The following TBP variants were observed in gnomAD, a reference collection of about 807,000 sequenced individuals.
The protein encoded by TBP is TATA-box-binding protein.
Under a neutral mutation model 46.2 loss-of-function variants are expected in TBP, and 12 were observed. That is an observed-to-expected ratio of 0.26 (90% CI 0.17 to 0.42). The LOEUF (loss-of-function observed/expected upper bound fraction) is 0.42. Ranked by LOEUF, TBP falls within the 10% of genes least tolerant of loss-of-function variation. The pLI, the probability that TBP is intolerant of heterozygous loss-of-function variation, is 1.00. For missense variants in TBP, 229 were observed against 403.1 expected (o/e 0.57, Z 3.70); for synonymous variants, 157 against 148.3 (o/e 1.06, Z -0.42).
chr6:170,571,819 A>T (rs1423984142), intron 7 of TBP, among the ~76,000 whole-genome samples: 1 of 152,002 alleles, frequency 6.6e-6, no homozygotes, highest in African/African-American at 2.4e-5. Flanking sequence ...TGAGACAAGA[A>T]AGGAAGATTC....
In TBP at chr6:170,572,317, ACAAAT is replaced by A; in HGVS notation, c.*55_*59del. 7.1e-7 allele frequency: 1 copy of A among 1,402,314 alleles called. No homozygotes were observed. The highest frequency in any genetic ancestry group is 1.0e-6 in the Non-Finnish European group (1 of 1,003,938). The allele number at this position is 1,402,314 out of a possible 1,614,324, so 86.9% of individuals were successfully genotyped here. ...CACCCCCTTCTTTTTTTTTTTTTAAACAAATCAGTTTGTTTTGGTACCTTTAAATG... is the reference window on the plus strand; with the variant it reads ...CACCCCCTTCTTTTTTTTTTTTTAAACAGTTTGTTTTGGTACCTTTAAATG... On this transcript the variant is annotated 3_prime_UTR_variant, in exon 8 of 8. Transcript: ENST00000392092.
At chr6:170,564,372 A>G (rs1025316940) in intron 3 of TBP, among the ~76,000 whole-genome samples, 173 bp from the exon 4 acceptor site, 2 of 152,228 alleles carry the variant, frequency 1.3e-5, no homozygotes, top group African/African-American at 4.8e-5. Flanking sequence ...AAATGGAATA[A>G]TCTATATAAA....
intron 5 of TBP, chr6:170,567,320 A>C (rs1352207502): frequency 6.5e-6 from 1 of 153,846 alleles, no homozygotes; most frequent in Non-Finnish European, 1.4e-5. Context: ...CTCCATCTCT[A>C]CTAAAAATAC....
In TBP at chr6:170,562,176, C is replaced by G. The variant is rs1028882699; in HGVS notation, c.440C>G (p.Thr147Ser). ...PLYPSPMTPM[T>S]PITPATPASE... ...TATCCCTCCCCCATGACTCCCATGA[C>G]CCCCATCACTCCTGCCACGCCAGCT... The change falls in exon 3 of 8, where the codon ACC becomes AGC. Residue 147 changes from threonine (T) to serine (S), a missense_variant. Transcript: ENST00000392092. 2 of 1,614,070 alleles carry G rather than the reference C, an allele frequency of 1.2e-6. No homozygotes were observed. The highest frequency in any genetic ancestry group is 2.7e-5 in the African/African-American group (2 of 74,924).
chr6:170,561,643 G>T, intron 2 of TBP, 148 bp from the exon 3 acceptor site: 2 of 1,433,032 alleles, frequency 1.4e-6, no homozygotes, highest in Non-Finnish European at 1.9e-6. Context: ...TATAAGAATA[G>T]CTGGTTCTTC....
In TBP at chr6:170,568,815, C is replaced by CTTTTTTTTTTTTTTTTTTTTTTTTTTTT. The variant is rs377394208; in HGVS notation, c.678-770_678-769insTTTTTTTTTTTTTTTTTTTTTTTTTTTT. ...TTCTCTTCTTTCTTTCTTTCCTTTT[C>CTTTTTTTTTTTTTTTTTTTTTTTTTTTT]TTTTTTTTTTTTTTTTTTTTTTTTT... On this transcript the variant is annotated intron_variant, in intron 5 of 7. Coordinates refer to ENST00000392092, the MANE Select transcript of TBP (RefSeq NM_003194.5). 1.5e-3 allele frequency among the ~76,000 whole-genome samples: 93 copies of CTTTTTTTTTTTTTTTTTTTTTTTTTTTT among 62,604 alleles called. 27 individuals are homozygous for CTTTTTTTTTTTTTTTTTTTTTTTTTTTT. Among genetic ancestry groups the CTTTTTTTTTTTTTTTTTTTTTTTTTTTT allele is most frequent in the African/African-American group, 2.1e-3 (31 of 14,824 alleles). The allele number at this position is 62,604 out of a possible 152,430, so 41.1% of individuals were successfully genotyped here.
intron 1 of TBP, among the ~76,000 whole-genome samples, chr6:170,555,136 T>G (rs1320935322): frequency 1.3e-5 from 2 of 152,256 alleles, no homozygotes; most frequent in African/African-American, 4.8e-5. Context: ...AACTCTTTTC[T>G]GAGGATAAAT....
chr6:170,555,795 G>C (rs1779012566), intron 1 of TBP, among the ~76,000 whole-genome samples: 1 of 152,090 alleles, frequency 6.6e-6, no homozygotes, highest in South Asian at 2.1e-4. Flanking sequence ...ACTTAGCTTA[G>C]ACCATACCTG....
intron 3 of TBP, 141 bp downstream of exon 3, chr6:170,562,374 C>G: frequency 2.1e-6 from 2 of 971,712 alleles, no homozygotes; most frequent in Non-Finnish European, 3.0e-6. Flanking sequence ...CTTTATCTCA[C>G]ATTTGGGAAA....
In TBP at chr6:170,568,834, T is replaced by C. The variant is rs1014620372; in HGVS notation, c.678-778T>C. 2.5e-5 allele frequency among the ~76,000 whole-genome samples: 3 copies of C among 122,422 alleles called. 1 individual carries two copies. The highest frequency in any genetic ancestry group is 6.4e-5 in the African/African-American group (2 of 31,032). 80.3% of individuals were successfully genotyped at this position (122,422 alleles called of 152,430 possible). A position where few individuals can be genotyped will look rare whatever the true frequency, so the allele number is the denominator to read the frequency against. ...CCTTTTCTTTTTTTTTTTTTTTTTT[T>C]TTTTTTTTGGTGGAGTCACCTAGGC... On this transcript the variant is annotated intron_variant, in intron 5 of 7. Transcript: ENST00000392092.
Position 170,559,131 on chromosome 6 carries a change from T to G in TBP, c.54+2048T>G, listed in dbSNP as rs116225559. 9.6e-3 allele frequency among the ~76,000 whole-genome samples: 1,469 copies of G among 152,270 alleles called. 23 individuals carry two copies. The highest frequency in any genetic ancestry group is 0.034 in the African/African-American group (1,404 of 41,534). ...GCGTGACCAACCATTCCCCCATCTC[T>G]CTCCCTCTGCTTGGTCTTCCCTATT... On this transcript the variant is annotated intron_variant, in intron 2 of 7. Transcript: ENST00000392092.
intron 5 of TBP, 109 bp downstream of exon 5, chr6:170,567,118 C>T (rs1044091434): frequency 1.9e-6 from 1 of 538,800 alleles, no homozygotes; most frequent in Admixed American, 4.2e-5. Context: ...TTATTGCTTT[C>T]TTATAAAAAC....
chr6:170,570,353 T>G (rs1351051891), intron 6 of TBP, among the ~76,000 whole-genome samples: 1 of 152,186 alleles, frequency 6.6e-6, no homozygotes, highest in Admixed American at 6.5e-5. Context: ...TTGCCACTTT[T>G]ATGCCTAGTA....
chr6:170,558,074 T>C (rs1411892336), intron 2 of TBP, among the ~76,000 whole-genome samples: 1 of 152,260 alleles, frequency 6.6e-6, no homozygotes. Flanking sequence ...TATCACTCCA[T>C]TGTTTGGATG....
At chr6:170,570,189 A>G (rs1242310564) in intron 6 of TBP, among the ~76,000 whole-genome samples, 1 of 152,118 alleles carries the variant, frequency 6.6e-6, no homozygotes, top group Non-Finnish European at 1.5e-5. Flanking sequence ...CTTTCTAATT[A>G]TCTTCCCTGC....
At position 170,569,551 on chromosome 6, in the gene TBP, G is replaced by A. The variant is rs548462601; in HGVS notation, c.678-61G>A. 2.7e-6 allele frequency: 4 copies of A among 1,486,340 alleles called. No homozygotes were observed. The African/African-American group carries it at 5.6e-5, about 21-fold the overall frequency. 92.1% of individuals were successfully genotyped at this position (1,486,340 alleles called of 1,614,324 possible). ...GTTTTGGACTTTTTATAAGTTATTA[G>A]TCTAAATAAGTATTTTAGCTGGCTC... On this transcript the variant is annotated intron_variant, in intron 5 of 7. Coordinates refer to ENST00000392092, the MANE Select transcript of TBP (RefSeq NM_003194.5).
intron 2 of TBP, 86 bp from the exon 3 acceptor site, chr6:170,561,705 A>C (rs1583127237): frequency 9.1e-6 from 14 of 1,544,762 alleles, no homozygotes; most frequent in Middle Eastern, 1.9e-4. Flanking sequence ...CTGTCTTTGC[A>C]CACCTGACCT....
intron 4 of TBP, 91 bp downstream of exon 4, chr6:170,564,723 A>G (rs1000929423): frequency 2.4e-6 from 2 of 840,692 alleles, no homozygotes; most frequent in Non-Finnish European, 3.5e-6. Flanking sequence ...GCTATAAAAC[A>G]AATGTCTGTA....
At chr6:170,555,527 A>G (rs907158791) in intron 1 of TBP, among the ~76,000 whole-genome samples, 1 of 152,084 alleles carries the variant, frequency 6.6e-6, no homozygotes, top group Non-Finnish European at 1.5e-5. Flanking sequence ...TGCTTTTTCA[A>G]TCTGTCTCTT....
Sources: allele counts gnomAD v4.1 joint callset (sites outside exome capture counted in the v4.1 genomes callset), GRCh38; gene constraint gnomAD v4.1.1; transcripts MANE v1.5; gene names NCBI Gene and HGNC (gene_info 2026-07-23, HGNC 2026-07-21).